Variants in RHBDL3 observed in about 807,000 individuals in gnomAD.
RHBDL3 encodes the protein rhomboid like 3.
In RHBDL3, 28 loss-of-function variants were observed where a neutral mutation model predicts 48.2. The ratio of observed to expected loss-of-function variants is 0.58; its 90% CI spans 0.43 to 0.80. RHBDL3 has a LOEUF of 0.80. RHBDL3 is among the 30% of genes least tolerant of loss of function. The pLI, the probability that RHBDL3 is intolerant of heterozygous loss-of-function variation, is 0.00. For missense variants in RHBDL3, 464 were observed against 542.7 expected (o/e 0.85, Z 1.44); for synonymous variants, 208 against 232.3 (o/e 0.90, Z 0.95).
intron 2 of RHBDL3, chr17:32,280,441 G>C (rs1333429835): frequency 5.3e-5 from 8 of 152,234 alleles, no homozygotes; most frequent in African/African-American, 1.9e-4. Context: ...CCAAACCACA[G>C]TTTGGATCTG....
chr17:32,271,266 A>G (rs1459210587), intron 2 of RHBDL3, among the ~76,000 whole-genome samples: 1 of 152,154 alleles, frequency 6.6e-6, no homozygotes, highest in Non-Finnish European at 1.5e-5. Context: ...TGCTAGCATC[A>G]CTTATTAAGT....
At chr17:32,294,819 A>G (rs1293176928) in intron 5 of RHBDL3, among the ~76,000 whole-genome samples, 1 of 152,118 alleles carries the variant, frequency 6.6e-6, no homozygotes, top group Admixed American at 6.5e-5. Flanking sequence ...TATTGTCCAT[A>G]ACTGTGTGTG....
At chr17:32,306,991 T>C (rs117090256) in intron 7 of RHBDL3, among the ~76,000 whole-genome samples, 3 of 152,344 alleles carry the variant, frequency 2.0e-5, no homozygotes, top group East Asian at 3.9e-4. Context: ...AATAACCACC[T>C]ATATAAATGT....
chr17:32,285,395 G>A (rs1034561517), intron 3 of RHBDL3, among the ~76,000 whole-genome samples: 5 of 152,146 alleles, frequency 3.3e-5, no homozygotes, highest in African/African-American at 1.2e-4. Flanking sequence ...AAGGGGCTGG[G>A]GAGTGGGGGC....
intron 7 of RHBDL3, 122 bp from the exon 8 acceptor site, chr17:32,316,110 C>G: frequency 1.4e-6 from 1 of 732,906 alleles, no homozygotes; most frequent in Non-Finnish European, 2.4e-6. Flanking sequence ...GCTACTAAGC[C>G]ACAACCCTCT....
intron 6 of RHBDL3, among the ~76,000 whole-genome samples, chr17:32,303,598 T>TGG (rs1202760657): frequency 6.6e-6 from 1 of 152,218 alleles, no homozygotes; most frequent in Non-Finnish European, 1.5e-5. Context: ...ATAGTTGCCC[T>TGG]GGAAGGGGAG....
intron 6 of RHBDL3, among the ~76,000 whole-genome samples, chr17:32,303,990 C>T (rs957734841): frequency 5.3e-5 from 8 of 152,222 alleles, no homozygotes; most frequent in Non-Finnish European, 8.8e-5. Flanking sequence ...CCAGCCACCT[C>T]TCATCCTCTG....
In RHBDL3 at chr17:32,284,815, C is replaced by A. The variant is rs768577263; in HGVS notation, c.292C>A (p.Leu98Ile). The A allele has an allele frequency of 6.2e-7, 1 of 1,613,520 alleles. No individual in the cohort carries two copies. The highest frequency in any genetic ancestry group is 8.5e-7 in the Non-Finnish European group (1 of 1,179,772). Residue 98 changes from leucine to isoleucine, a missense_variant and splice_region_variant, in exon 3 of 9, where the codon CTA (leucine) becomes ATA (isoleucine). Coordinates refer to ENST00000269051, the MANE Select transcript of RHBDL3 (RefSeq NM_138328.3). ...GATCGGCTACCAGGATTTTGTCAGCCTAGTGAGTGCTCTGGGGCCCTTGGT... is the reference window on the plus strand; with the variant it reads ...GATCGGCTACCAGGATTTTGTCAGCATAGTGAGTGCTCTGGGGCCCTTGGT... ...GQIGYQDFVS[L>I]MSNKRSNSFR...
intron 4 of RHBDL3, among the ~76,000 whole-genome samples, chr17:32,289,314 A>G (rs1397746927): frequency 6.6e-6 from 1 of 152,170 alleles, no homozygotes; most frequent in Non-Finnish European, 1.5e-5. Flanking sequence ...AACAACAGCA[A>G]TAAAAACAAT....
chr17:32,320,837 C>T, intron 8 of RHBDL3, 121 bp from the exon 9 acceptor site: 1 of 692,946 alleles, frequency 1.4e-6, no homozygotes, highest in Non-Finnish European at 2.5e-6. Context: ...ACTGTGTCCC[C>T]AGTGCAGAGA....
Position 32,295,549 on chromosome 17 carries a change from C to T in RHBDL3, c.668+1107C>T, listed in dbSNP as rs953116408. ...CAACAGACACGGGGGCTTCCCTGCC[C>T]AGGCATCCCAAGCCAGTGGCTGCAC... On this transcript the variant is annotated intron_variant, in intron 5 of 8. Transcript: ENST00000269051. 3.3e-5 allele frequency among the ~76,000 whole-genome samples: 5 copies of T among 152,238 alleles called. No individual in the cohort carries two copies. The South Asian group carries it at 8.3e-4, about 25-fold the overall frequency.
intron 3 of RHBDL3, among the ~76,000 whole-genome samples, chr17:32,287,871 C>T (rs577086191): frequency 2.0e-5 from 3 of 152,278 alleles, no homozygotes; most frequent in African/African-American, 4.8e-5. Context: ...TGGGAGGTAA[C>T]GGAGGCCTCG....
intron 7 of RHBDL3, among the ~76,000 whole-genome samples, chr17:32,306,743 A>T (rs2040719838): frequency 6.6e-6 from 1 of 152,124 alleles, no homozygotes; most frequent in South Asian, 2.1e-4. Context: ...CAACATGGTG[A>T]AACTCCATCT....
intron 7 of RHBDL3, among the ~76,000 whole-genome samples, chr17:32,314,774 A>G (rs981542502): frequency 2.6e-5 from 4 of 152,208 alleles, no homozygotes; most frequent in Admixed American, 2.0e-4. Context: ...TAACTGAGCC[A>G]GCTCAGATTG....
chr17:32,277,636 A>G (rs2039946748), intron 2 of RHBDL3, among the ~76,000 whole-genome samples: 1 of 152,252 alleles, frequency 6.6e-6, no homozygotes. Context: ...GGAAGACTCC[A>G]GCAAAGTGTC....
intron 6 of RHBDL3, among the ~76,000 whole-genome samples, chr17:32,298,739 A>G (rs1253641304): frequency 1.3e-5 from 2 of 152,208 alleles, no homozygotes; most frequent in Admixed American, 1.3e-4. Context: ...TACCCAGACC[A>G]ACCGCAGTCC....
intron 2 of RHBDL3, among the ~76,000 whole-genome samples, chr17:32,275,106 A>G (rs2039865351): frequency 1.3e-5 from 2 of 152,130 alleles, no homozygotes; most frequent in East Asian, 1.9e-4. Context: ...CAGGAGAAGC[A>G]GCGGCGGCCA....
At chr17:32,319,451 C>T (rs1020270165) in intron 8 of RHBDL3, among the ~76,000 whole-genome samples, 1 of 149,720 alleles carries the variant, frequency 6.7e-6, no homozygotes, top group Non-Finnish European at 1.5e-5. Context: ...AAAATCCAAC[C>T]GTAAGCATCA....
chr17:32,295,558 C>G (rs774791443), intron 5 of RHBDL3, among the ~76,000 whole-genome samples: 2 of 152,232 alleles, frequency 1.3e-5, no homozygotes, highest in Non-Finnish European at 2.9e-5. Context: ...CCAGGCATCC[C>G]AAGCCAGTGG....
Sources: allele counts gnomAD v4.1 joint callset (sites outside exome capture counted in the v4.1 genomes callset), GRCh38; gene constraint gnomAD v4.1.1; transcripts MANE v1.5; gene names NCBI Gene and HGNC (gene_info 2026-07-23, HGNC 2026-07-21).